The following CCDC91 variants were observed in gnomAD, a reference collection of about 807,000 sequenced individuals.
CCDC91 encodes coiled-coil domain-containing protein 91.
In CCDC91, 48 loss-of-function variants were observed where a neutral mutation model predicts 63.2. The observed-to-expected ratio is 0.76, with a 90% CI of 0.60 to 0.97. The LOEUF is 0.97. Among genes scored for constraint, CCDC91 ranks in the 50% least tolerant of loss-of-function variants. The pLI is 0.00. For synonymous variants in CCDC91, 167 were observed against 165.8 expected (o/e 1.01, Z -0.06); for missense variants, 500 against 494.6 (o/e 1.01, Z -0.10).
chr12:28,367,849 C>T (rs1944373416), intron 7 of CCDC91, among the ~76,000 whole-genome samples: 1 of 152,044 alleles, frequency 6.6e-6, no homozygotes, highest in African/African-American at 2.4e-5. Flanking sequence ...AATTTCCCTC[C>T]ATAATGTAGG....
At chr12:28,423,175 G>A (rs1388650421) in intron 8 of CCDC91, among the ~76,000 whole-genome samples, 1 of 152,032 alleles carries the variant, frequency 6.6e-6, no homozygotes, top group Non-Finnish European at 1.5e-5. Context: ...ATCTTCTGAG[G>A]CATTTAAAAA....
intron 12 of CCDC91, among the ~76,000 whole-genome samples, chr12:28,546,941 A>G (rs1040674271): frequency 6.6e-6 from 1 of 152,112 alleles, no homozygotes; most frequent in Non-Finnish European, 1.5e-5. Flanking sequence ...ACAACAAAAA[A>G]GTTAGAATAA....
At chr12:28,204,414 C>A (rs1448225196) in intron 1 of CCDC91, among the ~76,000 whole-genome samples, 1 of 152,072 alleles carries the variant, frequency 6.6e-6, no homozygotes, top group African/African-American at 2.4e-5. Context: ...TATTAATTTT[C>A]TGATTAAAAA....
At chr12:28,317,471 C>A (rs1272864804) in intron 6 of CCDC91, among the ~76,000 whole-genome samples, 2 of 151,804 alleles carry the variant, frequency 1.3e-5, no homozygotes, top group Non-Finnish European at 2.9e-5. Context: ...AAGGAAAAGA[C>A]CATGTTTTCT....
At chr12:28,515,883 C>T (rs993401856) in intron 12 of CCDC91, among the ~76,000 whole-genome samples, 4 of 151,860 alleles carry the variant, frequency 2.6e-5, no homozygotes, top group African/African-American at 9.7e-5. Flanking sequence ...CCTCACCTCC[C>T]CATCCACTCC....
At chr12:28,387,805 C>A (rs1012620483) in intron 7 of CCDC91, among the ~76,000 whole-genome samples, 5 of 152,134 alleles carry the variant, frequency 3.3e-5, no homozygotes, top group Non-Finnish European at 4.4e-5. Context: ...GGCATTTGGG[C>A]TGGTTCCACA....
rs564497185 is a variant in CCDC91 at position 28,270,711 on chromosome 12, C to G, written c.109+11269C>G. 2.0e-5 allele frequency among the ~76,000 whole-genome samples: 3 copies of G among 152,240 alleles called. No individual in the cohort carries two copies. The South Asian group carries it at 6.2e-4, about 32-fold the overall frequency. On this transcript the variant is annotated intron_variant, in intron 3 of 12. Transcript: ENST00000536442. Reference sequence around the variant, plus strand: ...AACCCTTGGTCTTATAATCTAAACACAAGTATTTTGCGTCGATGGAATATG... The same window carrying G: ...AACCCTTGGTCTTATAATCTAAACAGAAGTATTTTGCGTCGATGGAATATG...
At chr12:28,293,095 T>G (rs1949346962) in intron 3 of CCDC91, among the ~76,000 whole-genome samples, 1 of 152,200 alleles carries the variant, frequency 6.6e-6, no homozygotes, top group Non-Finnish European at 1.5e-5. Context: ...ACATAGTGAT[T>G]AAGTCAAAGA....
At chr12:28,273,897 T>A (rs541485834) in intron 3 of CCDC91, among the ~76,000 whole-genome samples, 55 of 152,292 alleles carry the variant, frequency 3.6e-4, no homozygotes, top group Non-Finnish European at 7.2e-4. Context: ...TCGGTGTTTT[T>A]GACATGAAGT....
At chr12:28,391,761 C>T (rs1234489352) in intron 8 of CCDC91, among the ~76,000 whole-genome samples, 1 of 151,974 alleles carries the variant, frequency 6.6e-6, no homozygotes, top group African/African-American at 2.4e-5. Flanking sequence ...TTTAAAGCAC[C>T]TATGTATGTT....
chr12:28,414,346 T>G (rs1947509636), intron 8 of CCDC91, among the ~76,000 whole-genome samples: 1 of 152,106 alleles, frequency 6.6e-6, no homozygotes, highest in African/African-American at 2.4e-5. Flanking sequence ...AAAATTCTTA[T>G]TTTGTCTGTG....
At chr12:28,414,199 T>A (rs1475359942) in intron 8 of CCDC91, among the ~76,000 whole-genome samples, 1 of 152,176 alleles carries the variant, frequency 6.6e-6, no homozygotes, top group Non-Finnish European at 1.5e-5. Flanking sequence ...TAGATATATA[T>A]TTTTTACAGC....
At chr12:28,320,265 G>C (rs188979642) in intron 6 of CCDC91, among the ~76,000 whole-genome samples, 333 of 151,942 alleles carry the variant, frequency 2.2e-3, no homozygotes, top group African/African-American at 7.7e-3. Flanking sequence ...TATCACTTTA[G>C]AGGGCTATGT....
intron 8 of CCDC91, among the ~76,000 whole-genome samples, chr12:28,433,519 G>A (rs147369032): frequency 1.4e-4 from 22 of 151,898 alleles, no homozygotes; most frequent in African/African-American, 4.8e-4. Flanking sequence ...AATATCAGTT[G>A]ACTATATGCA....
At chr12:28,499,355 T>TTTCTCTTATTATTA (rs60024235) in intron 12 of CCDC91, among the ~76,000 whole-genome samples, 1 of 151,002 alleles carries the variant, frequency 6.6e-6, no homozygotes, top group Non-Finnish European at 1.5e-5. Flanking sequence ...GCACCTCACT[T>TTTCTCTTATTATTA]TTATTATTAT....
In CCDC91 at chr12:28,444,985, A is replaced by G. The variant is rs538569105; in HGVS notation, c.763-5176A>G. ...TTTTCTTTTTCTTTCTCACTTCTTTATTAGCTAAACTATACCTTTTCTCCT... is the reference window on the plus strand; with the variant it reads ...TTTTCTTTTTCTTTCTCACTTCTTTGTTAGCTAAACTATACCTTTTCTCCT... On this transcript the variant is annotated intron_variant, in intron 8 of 12. Coordinates refer to ENST00000536442, the MANE Select transcript of CCDC91 (RefSeq NM_018318.5). 2.0e-5 allele frequency among the ~76,000 whole-genome samples: 3 copies of G among 152,276 alleles called. No individual in the cohort carries two copies. In the East Asian group the frequency reaches 5.8e-4, roughly 29 times the overall value.
intron 3 of CCDC91, among the ~76,000 whole-genome samples, chr12:28,278,065 C>T (rs377620209): frequency 2.6e-5 from 4 of 152,176 alleles, no homozygotes; most frequent in South Asian, 4.1e-4. Flanking sequence ...TCACACTCTT[C>T]CTTCATAGCC....
intron 6 of CCDC91, among the ~76,000 whole-genome samples, chr12:28,352,552 T>G (rs1943252650): frequency 6.6e-6 from 1 of 152,244 alleles, no homozygotes; most frequent in Non-Finnish European, 1.5e-5. Flanking sequence ...CTTTCTTTGT[T>G]TGTTCCTAAG....
intron 1 of CCDC91, among the ~76,000 whole-genome samples, chr12:28,210,802 T>C (rs1271279000): frequency 6.6e-6 from 1 of 151,924 alleles, no homozygotes; most frequent in Non-Finnish European, 1.5e-5. Flanking sequence ...AAGCAGAAAG[T>C]ACTCATTGCC....
Sources: gnomAD v4.1 joint callset for allele counts (sites outside exome capture counted in the v4.1 genomes callset) on GRCh38, gnomAD v4.1.1 for gene constraint, MANE v1.5 for transcripts, NCBI Gene and HGNC (gene_info 2026-07-23, HGNC 2026-07-21) for gene names.